Variants in CADPS2 observed in about 807,000 individuals in gnomAD.
CADPS2 encodes calcium dependent secretion activator 2.
CADPS2 carries 93 observed loss-of-function variants against 172.5 expected under a neutral mutation model. The ratio of observed to expected loss-of-function variants is 0.54; its 90% CI spans 0.46 to 0.64. The LOEUF is 0.64. Ranked by LOEUF, CADPS2 falls within the 30% of genes least tolerant of loss-of-function variation. CADPS2 has a pLI of 0.00. For synonymous variants in CADPS2, 546 were observed against 555.2 expected (o/e 0.98, Z 0.23); for missense variants, 1,420 against 1,565.9 (o/e 0.91, Z 1.57).
intron 9 of CADPS2, among the ~76,000 whole-genome samples, chr7:122,505,364 A>T (rs182869558): frequency 8.5e-5 from 13 of 152,280 alleles, no homozygotes; most frequent in South Asian, 8.3e-4. Flanking sequence ...ATTATTTTTT[A>T]AAAAATGCTA....
intron 20 of CADPS2, 40 bp downstream of exon 20, chr7:122,407,500 C>G: frequency 6.3e-7 from 1 of 1,587,336 alleles, no homozygotes. Context: ...TTCTCCCACC[C>G]CTCCCCATTT....
chr7:122,866,562 G>A (rs1454263025), intron 1 of CADPS2, among the ~76,000 whole-genome samples: 2 of 152,116 alleles, frequency 1.3e-5, no homozygotes, highest in African/African-American at 4.8e-5. Flanking sequence ...TTAGCCAGAT[G>A]TAGTGGCACG....
intron 1 of CADPS2, among the ~76,000 whole-genome samples, chr7:122,807,411 T>C (rs1799022401): frequency 6.6e-6 from 1 of 152,004 alleles, no homozygotes; most frequent in East Asian, 1.9e-4. Context: ...TGGAGAGAAA[T>C]TTTCTGCTCC....
intron 2 of CADPS2, chr7:122,697,757 G>A (rs1395047476): frequency 2.0e-6 from 3 of 1,522,934 alleles, no homozygotes; most frequent in African/African-American, 2.8e-5. Context: ...TTCACATACA[G>A]GTTTAATACA....
chr7:122,841,725 A>C (rs537001374), intron 1 of CADPS2, among the ~76,000 whole-genome samples: 5 of 152,338 alleles, frequency 3.3e-5, no homozygotes, highest in Middle Eastern at 6.8e-3. Flanking sequence ...GAAAACGAAG[A>C]GTTGCCTTAA....
chr7:122,597,427 T>C (rs554720487), intron 6 of CADPS2, among the ~76,000 whole-genome samples: 62 of 152,202 alleles, frequency 4.1e-4, no homozygotes, highest in African/African-American at 1.2e-3. Flanking sequence ...AGTGTACATG[T>C]TGAAATCCCA....
chr7:122,845,799 T>C (rs1012795686), intron 1 of CADPS2, among the ~76,000 whole-genome samples: 4 of 152,164 alleles, frequency 2.6e-5, no homozygotes, highest in African/African-American at 9.6e-5. Context: ...CAGGAAAACT[T>C]GATAAATTGT....
intron 3 of CADPS2, among the ~76,000 whole-genome samples, chr7:122,637,486 A>C (rs1021801827): frequency 5.9e-5 from 9 of 152,060 alleles, no homozygotes; most frequent in African/African-American, 2.2e-4. Context: ...GAAATTCTTG[A>C]AGTAAATTCT....
rs151250283 is a variant in CADPS2, at chr7:122,871,627, C to T, written c.339+14372G>A. ...GTTTAGGAATGTCAATGTCTGAAAA[C>T]GTGGCTTGTGTGAAATAGAACCTAA... On this transcript the variant is annotated intron_variant, in intron 1 of 29. Transcript: ENST00000449022. 3.6e-3 allele frequency among the ~76,000 whole-genome samples: 546 copies of T among 152,096 alleles called. 1 individual carries two copies. The highest frequency in any genetic ancestry group is 5.0e-3 in the Non-Finnish European group (340 of 67,920).
intron 2 of CADPS2, among the ~76,000 whole-genome samples, chr7:122,723,910 C>A (rs150067591): frequency 6.6e-6 from 1 of 151,884 alleles, no homozygotes; most frequent in Non-Finnish European, 1.5e-5. Flanking sequence ...CCATCATTCT[C>A]AGCAAACTGT....
At chr7:122,877,076 T>C (rs1434418474) in intron 1 of CADPS2, among the ~76,000 whole-genome samples, 1 of 152,050 alleles carries the variant, frequency 6.6e-6, no homozygotes, top group East Asian at 1.9e-4. Flanking sequence ...AAAACAGTCA[T>C]AATCAGGTAG....
intron 7 of CADPS2, among the ~76,000 whole-genome samples, chr7:122,569,173 T>G (rs1362611787): frequency 2.0e-5 from 3 of 152,166 alleles, no homozygotes; most frequent in Non-Finnish European, 4.4e-5. Context: ...GATAAGCAAC[T>G]TCAGCAAAGT....
At chr7:122,830,153 G>A (rs1806112059) in intron 1 of CADPS2, among the ~76,000 whole-genome samples, 1 of 152,114 alleles carries the variant, frequency 6.6e-6, no homozygotes, top group Admixed American at 6.6e-5. Flanking sequence ...TCAAACCCAG[G>A]TAGTCTGTCT....
At chr7:122,651,647 G>A (rs1022524460) in intron 3 of CADPS2, among the ~76,000 whole-genome samples, 3 of 152,116 alleles carry the variant, frequency 2.0e-5, no homozygotes, top group African/African-American at 7.2e-5. Context: ...TGGGAGGAGG[G>A]ATAAGTGAAC....
intron 28 of CADPS2, among the ~76,000 whole-genome samples, chr7:122,342,138 C>T (rs1359482849): frequency 6.6e-6 from 1 of 152,010 alleles, no homozygotes; most frequent in Non-Finnish European, 1.5e-5. Flanking sequence ...TAAGGTAATG[C>T]AGATTTTATT....
intron 1 of CADPS2, among the ~76,000 whole-genome samples, chr7:122,861,183 TTTTCCATAATGGCTG>T (rs1414909670): frequency 7.2e-5 from 11 of 152,188 alleles, no homozygotes; most frequent in African/African-American, 2.7e-4. Context: ...TCCCATTCTG[TTTTCCATAATGGCTG>T]TGCCAATTTA....
At chr7:122,328,407 C>T (rs1038725880) in intron 28 of CADPS2, 3 of 152,128 alleles carry the variant, frequency 2.0e-5, no homozygotes, top group Admixed American at 2.0e-4. Flanking sequence ...TAGAAAGTGC[C>T]TTTTCACTTT....
intron 4 of CADPS2, among the ~76,000 whole-genome samples, chr7:122,626,567 TTCTGA>T (rs965570758): frequency 1.3e-5 from 2 of 152,176 alleles, no homozygotes; most frequent in Admixed American, 1.3e-4. Context: ...ATCCCACTTT[TTCTGA>T]TCTATTTTCT....
chr7:122,483,535 T>G lies in CADPS2; in HGVS notation c.1853-2675A>C, dbSNP rs1413909983. Among the ~76,000 whole-genome samples, 5 of 152,140 alleles carry G rather than the reference T, an allele frequency of 3.3e-5. No homozygotes were observed. The East Asian group carries it at 7.7e-4, about 23-fold the overall frequency. On this transcript the variant is annotated intron_variant, in intron 11 of 29. Transcript: ENST00000449022. ...ATGAAAGGCACTGGAAATGGTAATG[T>G]ACATGTACATAACATGTACATAATG...
Sources: allele counts gnomAD v4.1 joint callset (sites outside exome capture counted in the v4.1 genomes callset), GRCh38; gene constraint gnomAD v4.1.1; transcripts MANE v1.5; gene names NCBI Gene and HGNC (gene_info 2026-07-23, HGNC 2026-07-21).